The following INPP4B variants were observed in gnomAD, a reference collection of about 807,000 sequenced individuals.
The protein encoded by INPP4B is inositol polyphosphate 4-phosphatase type II.
INPP4B carries 55 observed loss-of-function variants against 122.5 expected under a neutral mutation model. The observed-to-expected ratio is 0.45, with a 90% confidence interval of 0.36 to 0.56. The LOEUF is 0.56. INPP4B is among the 20% of genes least tolerant of loss of function. The pLI is 0.00. For synonymous variants in INPP4B, 403 were observed against 388.7 expected (o/e 1.04, Z -0.43); for missense variants, 1,000 against 1,097.7 (o/e 0.91, Z 1.26).
intron 16 of INPP4B, among the ~76,000 whole-genome samples, chr4:142,171,611 C>G (rs1825671746): frequency 6.6e-6 from 1 of 151,752 alleles, no homozygotes; most frequent in Non-Finnish European, 1.5e-5. Context: ...TGCTCATAGA[C>G]TATACAAAAC....
chr4:142,293,539 T>C (rs1272846734), intron 9 of INPP4B, among the ~76,000 whole-genome samples: 1 of 152,238 alleles, frequency 6.6e-6, no homozygotes, highest in Non-Finnish European at 1.5e-5. Flanking sequence ...CATCCTTCTC[T>C]TCTACCTTCT....
At chr4:142,804,046 G>A (rs1778361742) in intron 1 of INPP4B, among the ~76,000 whole-genome samples, 3 of 149,010 alleles carry the variant, frequency 2.0e-5, no homozygotes, top group South Asian at 4.2e-4. Context: ...GCAACAGAGT[G>A]AGACTCCATC....
intron 2 of INPP4B, among the ~76,000 whole-genome samples, chr4:142,537,740 AGT>A (rs72363974): frequency 0.1 from 14,661 of 146,624 alleles, 802 homozygotes; most frequent in African/African-American, 0.15. Context: ...TGTGTATATG[AGT>A]GTGTGTGTGT....
chr4:142,512,267 C>A (rs1824815203), intron 2 of INPP4B, among the ~76,000 whole-genome samples: 1 of 152,040 alleles, frequency 6.6e-6, no homozygotes, highest in Admixed American at 6.6e-5. Flanking sequence ...CATGCTAGAC[C>A]CTGAGGATAC....
intron 12 of INPP4B, among the ~76,000 whole-genome samples, chr4:142,235,823 T>C (rs1561565115): frequency 6.6e-6 from 1 of 152,242 alleles, no homozygotes. Flanking sequence ...ATTTTGGGGA[T>C]ACATGTGATA....
At chr4:142,799,996 T>A (rs899854053) in intron 1 of INPP4B, among the ~76,000 whole-genome samples, 2 of 152,060 alleles carry the variant, frequency 1.3e-5, no homozygotes, top group Non-Finnish European at 2.9e-5. Context: ...TTTCCAGAAG[T>A]ATAAATACTG....
chr4:142,678,618 G>A (rs759523938), intron 2 of INPP4B, among the ~76,000 whole-genome samples: 3 of 151,852 alleles, frequency 2.0e-5, no homozygotes, highest in Non-Finnish European at 2.9e-5. Flanking sequence ...GACACTCAAC[G>A]TAAGAGCATA....
chr4:142,502,366 T>A (rs999219349), intron 2 of INPP4B, among the ~76,000 whole-genome samples: 1 of 152,170 alleles, frequency 6.6e-6, no homozygotes, highest in African/African-American at 2.4e-5. Context: ...TACTTATGAA[T>A]TGTAATCTCC....
intron 2 of INPP4B, among the ~76,000 whole-genome samples, chr4:142,702,058 T>G (rs1219933247): frequency 6.6e-6 from 1 of 152,118 alleles, no homozygotes; most frequent in East Asian, 1.9e-4. Flanking sequence ...CAAGCCTAAG[T>G]TAGGAGCCTG....
intron 7 of INPP4B, among the ~76,000 whole-genome samples, chr4:142,326,399 A>T (rs968548339): frequency 1.3e-4 from 20 of 152,230 alleles, no homozygotes; most frequent in African/African-American, 4.3e-4. Context: ...ATAATAGCTG[A>T]TAACTTGCTA....
chr4:142,302,146 G>A (rs1459144598), intron 9 of INPP4B, among the ~76,000 whole-genome samples: 1 of 151,984 alleles, frequency 6.6e-6, no homozygotes, highest in Non-Finnish European at 1.5e-5. Context: ...CGTTCCATAG[G>A]TTTCCCTCAG....
At chr4:142,229,659 C>T (rs1367869374) in intron 12 of INPP4B, among the ~76,000 whole-genome samples, 1 of 152,140 alleles carries the variant, frequency 6.6e-6, no homozygotes, top group African/African-American at 2.4e-5. Context: ...CAAGGAAGTA[C>T]AAATAGAGAT....
chr4:142,696,728 T>A (rs1761079990), intron 2 of INPP4B, among the ~76,000 whole-genome samples: 1 of 152,166 alleles, frequency 6.6e-6, no homozygotes, highest in Admixed American at 6.5e-5. Flanking sequence ...TGATCCTAAT[T>A]CACCATGTCC....
Position 142,116,150 on chromosome 4 carries a change from A to T in INPP4B, c.2136-3468T>A, listed in dbSNP as rs563646596. Among the ~76,000 whole-genome samples the T allele has an allele frequency of 1.2e-4, 19 of 152,336 alleles. No individual in the cohort carries two copies. The South Asian group carries it at 3.1e-3, about 25-fold the overall frequency. ...ATATGCACCCAATACAGGAGCACCC[A>T]GATTCATAAAGCAAGTCCTTTGAGA... On this transcript the variant is annotated intron_variant, in intron 21 of 25. Transcript: ENST00000262992.
chr4:142,187,934 C>G (rs1369662048), intron 15 of INPP4B, among the ~76,000 whole-genome samples: 3 of 151,638 alleles, frequency 2.0e-5, no homozygotes, highest in Admixed American at 6.6e-5. Flanking sequence ...TCATTTTAAA[C>G]AGTTTTGCCG....
chr4:142,305,017 A>G (rs1235472092), intron 9 of INPP4B, among the ~76,000 whole-genome samples: 1 of 152,108 alleles, frequency 6.6e-6, no homozygotes, highest in Non-Finnish European at 1.5e-5. Flanking sequence ...TTAATAGTAT[A>G]GCACCAAAAT....
intron 6 of INPP4B, among the ~76,000 whole-genome samples, chr4:142,404,204 CA>C (rs1802578389): frequency 1.3e-5 from 2 of 152,164 alleles, no homozygotes; most frequent in Non-Finnish European, 2.9e-5. Context: ...TTCAGGGCTA[CA>C]TGCAGTATCT....
intron 2 of INPP4B, among the ~76,000 whole-genome samples, chr4:142,572,954 A>G (rs1422841732): frequency 6.6e-6 from 1 of 151,890 alleles, no homozygotes; most frequent in East Asian, 1.9e-4. Flanking sequence ...ATTATCTTGT[A>G]TGTATTACAA....
At chr4:142,778,702 T>C (rs1343334234) in intron 1 of INPP4B, among the ~76,000 whole-genome samples, 1 of 152,188 alleles carries the variant, frequency 6.6e-6, no homozygotes, top group East Asian at 1.9e-4. Flanking sequence ...TTTATGATTC[T>C]GACAAGGCAA....
Sources: allele counts gnomAD v4.1 joint callset (sites outside exome capture counted in the v4.1 genomes callset), GRCh38; gene constraint gnomAD v4.1.1; transcripts MANE v1.5; gene names NCBI Gene and HGNC (gene_info 2026-07-23, HGNC 2026-07-21).